The following AGBL1 variants were observed in gnomAD, a reference collection of about 807,000 sequenced individuals.
The protein encoded by AGBL1 is AGBL carboxypeptidase 1.
In AGBL1, 130 loss-of-function variants were observed where a neutral mutation model predicts 118.9. That is an observed-to-expected ratio of 1.09 (90% CI 0.95 to 1.26). The LOEUF is 1.26. AGBL1 is among the 50% of genes most tolerant of loss of function. The probability of loss-of-function intolerance (pLI) is 0.00; values close to 1 mark genes in which losing one functional copy is unlikely to be tolerated. For synonymous variants in AGBL1, 555 were observed against 478.9 expected (o/e 1.16, Z -2.08); for missense variants, 1,584 against 1,298.1 (o/e 1.22, Z -3.38).
At chr15:86,620,449 A>G (rs2084787822) in intron 21 of AGBL1, among the ~76,000 whole-genome samples, 1 of 152,086 alleles carries the variant, frequency 6.6e-6, no homozygotes, top group Admixed American at 6.5e-5. Context: ...CATCACTCCC[A>G]CTTACCTGCT....
At chr15:86,888,072 C>A (rs759843022) in intron 22 of AGBL1, among the ~76,000 whole-genome samples, 3 of 152,112 alleles carry the variant, frequency 2.0e-5, no homozygotes, top group African/African-American at 4.8e-5. Flanking sequence ...GTGCATCTTG[C>A]GGGAGCATCA....
Position 86,295,273 on chromosome 15 carries a change from GA to G in AGBL1, c.2243del (p.Lys748ArgfsTer27). The G allele has an allele frequency of 1.2e-6, 2 of 1,613,604 alleles. No homozygotes were observed. Among genetic ancestry groups the G allele is most frequent in the Non-Finnish European group, 1.7e-6 (2 of 1,179,692 alleles). On this transcript the variant is annotated frameshift_variant, in exon 17 of 23. Transcript: ENST00000614907. LOFTEE classifies it high-confidence loss of function. ...TALMTHLDIL[E>X]KSVNLKEVYF... ...GCTCCAGACTCATCTTGACATCCTG[GA>G]AAAGAGTGTCAACCTCAAAGAGGTC...
chr15:86,705,203 A>G (rs2142660946), intron 22 of AGBL1, among the ~76,000 whole-genome samples: 1 of 152,206 alleles, frequency 6.6e-6, no homozygotes, highest in Admixed American at 6.5e-5. Context: ...CTTAAAACCT[A>G]AATGTTGGGT....
intron 21 of AGBL1, among the ~76,000 whole-genome samples, chr15:86,566,656 A>T (rs1030694648): frequency 6.6e-6 from 1 of 152,054 alleles, no homozygotes; most frequent in African/African-American, 2.4e-5. Context: ...CCCAGATGGG[A>T]CACTTCTCCT....
chr15:86,622,475 A>C (rs1198330706), intron 21 of AGBL1, among the ~76,000 whole-genome samples: 2 of 152,220 alleles, frequency 1.3e-5, no homozygotes, highest in Non-Finnish European at 2.9e-5. Context: ...GAAAGATATA[A>C]AATCGACAAT....
intron 22 of AGBL1, among the ~76,000 whole-genome samples, chr15:86,765,301 A>G (rs564129566): frequency 5.3e-5 from 8 of 152,102 alleles, no homozygotes; most frequent in African/African-American, 1.9e-4. Flanking sequence ...AAGTGCAACC[A>G]TGACAGTCAC....
At chr15:86,423,810 C>T (rs1255166768) in intron 18 of AGBL1, among the ~76,000 whole-genome samples, 1 of 151,940 alleles carries the variant, frequency 6.6e-6, no homozygotes, top group African/African-American at 2.4e-5. Flanking sequence ...AAATACCTAG[C>T]AATACAACTT....
At chr15:86,196,436 C>T (rs368345574) in intron 5 of AGBL1, among the ~76,000 whole-genome samples, 10 of 152,084 alleles carry the variant, frequency 6.6e-5, no homozygotes, top group Non-Finnish European at 1.5e-4. Context: ...TGTGAAGAAA[C>T]TTGTCTCAGA....
intron 18 of AGBL1, among the ~76,000 whole-genome samples, chr15:86,449,280 A>T (rs1220590551): frequency 6.6e-6 from 1 of 152,242 alleles, no homozygotes; most frequent in East Asian, 1.9e-4. Context: ...AATATACCTT[A>T]GAAGGATCAA....
intron 17 of AGBL1, among the ~76,000 whole-genome samples, chr15:86,303,589 C>T (rs1197024449): frequency 6.6e-6 from 1 of 151,816 alleles, no homozygotes; most frequent in Non-Finnish European, 1.5e-5. Flanking sequence ...AGAACTAAGG[C>T]TAAATATAAT....
intron 17 of AGBL1, among the ~76,000 whole-genome samples, chr15:86,359,424 C>T (rs1395271264): frequency 8.5e-5 from 7 of 82,514 alleles, no homozygotes; most frequent in Admixed American, 1.5e-4. Context: ...ATTCCACTAT[C>T]GTGGTTTTTG....
At chr15:86,823,242 C>G (rs1034328742) in intron 22 of AGBL1, among the ~76,000 whole-genome samples, 8 of 152,098 alleles carry the variant, frequency 5.3e-5, no homozygotes, top group African/African-American at 1.7e-4. Context: ...AAATACTCAC[C>G]TTTAAAAATT....
chr15:86,721,575 A>T lies in AGBL1; in HGVS notation c.3158+47139A>T, dbSNP rs1035894889. Among the ~76,000 whole-genome samples, 62 of 152,356 alleles carry T rather than the reference A, an allele frequency of 4.1e-4. 2 individuals carry two copies. Among genetic ancestry groups the T allele is most frequent in the African/African-American group, 1.4e-3 (60 of 41,572 alleles). ...TACTGAATGGGCAAAAACTGGAAGT[A>T]TTCCCTTTGAAAACTGGCACAAGAC... On this transcript the variant is annotated intron_variant, in intron 22 of 22. Transcript: ENST00000614907.
chr15:86,244,145 C>T (rs192049309), intron 6 of AGBL1, among the ~76,000 whole-genome samples: 305 of 151,452 alleles, frequency 2.0e-3, no homozygotes, highest in Middle Eastern at 0.01. Context: ...AATTAAGCAA[C>T]ATAAAAATTT....
intron 6 of AGBL1, among the ~76,000 whole-genome samples, chr15:86,225,593 C>T (rs753370869): frequency 2.6e-5 from 4 of 152,108 alleles, no homozygotes; most frequent in African/African-American, 7.2e-5. Flanking sequence ...GGCCTAATTA[C>T]GTTGGGAGTC....
At chr15:86,420,548 T>A (rs1362048586) in intron 18 of AGBL1, among the ~76,000 whole-genome samples, 2 of 152,240 alleles carry the variant, frequency 1.3e-5, no homozygotes, top group East Asian at 1.9e-4. Context: ...AAAACCAGAA[T>A]GCCTCTTCTC....
chr15:86,741,417 A>AAAAAAAAAAAAAAT, intron 22 of AGBL1, among the ~76,000 whole-genome samples: 1 of 130,480 alleles, frequency 7.7e-6, no homozygotes, highest in African/African-American at 2.9e-5. Flanking sequence ...AAAAAAAAAA[A>AAAAAAAAAAAAAAT]AAAAGAATTC....
chr15:86,230,535 C>T (rs2078439232), intron 6 of AGBL1, among the ~76,000 whole-genome samples: 2 of 152,214 alleles, frequency 1.3e-5, no homozygotes, highest in East Asian at 1.9e-4. Context: ...GGTCTGCCCT[C>T]CTGGCTCCGG....
chr15:86,714,086 G>A (rs1421435786), intron 22 of AGBL1, among the ~76,000 whole-genome samples: 3 of 152,144 alleles, frequency 2.0e-5, no homozygotes, highest in Non-Finnish European at 2.9e-5. Flanking sequence ...ATGAGGCATA[G>A]GAGTTATAAA....
Sources: gnomAD v4.1 joint callset for allele counts (sites outside exome capture counted in the v4.1 genomes callset) on GRCh38, gnomAD v4.1.1 for gene constraint, MANE v1.5 for transcripts, NCBI Gene and HGNC (gene_info 2026-07-23, HGNC 2026-07-21) for gene names.